The following MTA3 variants were observed in gnomAD, a reference collection of about 807,000 sequenced individuals.
MTA3 encodes the protein metastasis-associated protein MTA3.
MTA3 carries 34 observed loss-of-function variants against 83.5 expected under a neutral mutation model. That is an observed-to-expected ratio of 0.41 (90% CI 0.31 to 0.54). MTA3 has a LOEUF of 0.54. Among genes scored for constraint, MTA3 ranks in the 20% least tolerant of loss-of-function variants. MTA3 has a pLI of 0.33. For synonymous variants in MTA3, 303 were observed against 252.7 expected (o/e 1.20, Z -1.89); for missense variants, 761 against 726.4 (o/e 1.05, Z -0.55).
chr2:42,552,280 G>T (rs1037265790), intron 2 of MTA3, among the ~76,000 whole-genome samples: 1 of 152,194 alleles, frequency 6.6e-6, no homozygotes, highest in Non-Finnish European at 1.5e-5. Flanking sequence ...GGCCACAGCC[G>T]AGAAGTAAGG....
intron 2 of MTA3, among the ~76,000 whole-genome samples, chr2:42,510,497 T>C (rs1316327878): frequency 6.6e-6 from 1 of 152,106 alleles, no homozygotes; most frequent in Non-Finnish European, 1.5e-5. Flanking sequence ...GGAGAAAATG[T>C]GAAAGCAGAC....
chr2:42,725,086 CAT>C (rs1307799937), intron 16 of MTA3, among the ~76,000 whole-genome samples: 1 of 152,242 alleles, frequency 6.6e-6, no homozygotes, highest in Non-Finnish European at 1.5e-5. Context: ...AGGCTGATGA[CAT>C]GTGCTCGGCA....
intron 14 of MTA3, among the ~76,000 whole-genome samples, chr2:42,716,391 G>A (rs972342758): frequency 3.3e-5 from 5 of 152,128 alleles, no homozygotes; most frequent in Non-Finnish European, 7.4e-5. Flanking sequence ...GTAAACTTGT[G>A]TCAAGGGGGT....
intron 8 of MTA3, among the ~76,000 whole-genome samples, chr2:42,680,667 A>G (rs1691805298): frequency 6.6e-6 from 1 of 152,210 alleles, no homozygotes; most frequent in Admixed American, 6.5e-5. Context: ...ATGTATGTAC[A>G]TGCTATGGAT....
In MTA3 at chr2:42,585,941, T is replaced by TA. The variant is rs891820025; in HGVS notation, c.190+6750dup. Among the ~76,000 whole-genome samples, 6 of 150,908 alleles carry TA rather than the reference T, an allele frequency of 4.0e-5. No individual in the cohort carries two copies. The South Asian group carries it at 6.3e-4, about 16-fold the overall frequency. On this transcript the variant is annotated intron_variant, in intron 3 of 16. Coordinates refer to ENST00000405094, the MANE Select transcript of MTA3 (RefSeq NM_001330442.2). Reference sequence around the variant, plus strand: ...CAATAGAGTGACACCTGTGTCTCTTTAAAAAAAAATAAATTATAAACAAGA... The same window carrying TA: ...CAATAGAGTGACACCTGTGTCTCTTTAAAAAAAAAATAAATTATAAACAAGA...
intron 14 of MTA3, chr2:42,712,673 G>A (rs1407705695): frequency 1.3e-5 from 2 of 152,052 alleles, no homozygotes; most frequent in African/African-American, 4.8e-5. Context: ...ATTGCATAAA[G>A]AAACGTACTG....
intron 9 of MTA3, among the ~76,000 whole-genome samples, chr2:42,689,382 A>T (rs1454121885): frequency 6.6e-6 from 1 of 152,134 alleles, no homozygotes; most frequent in Non-Finnish European, 1.5e-5. Context: ...TCCTTGTAAT[A>T]TTTTTGGTTT....
At chr2:42,662,417 G>A (rs1202682086) in intron 8 of MTA3, among the ~76,000 whole-genome samples, 3 of 151,542 alleles carry the variant, frequency 2.0e-5, no homozygotes, top group Non-Finnish European at 2.9e-5. Flanking sequence ...TCTATATAGA[G>A]TTTAATTTTG....
intron 8 of MTA3, 139 bp downstream of exon 8, chr2:42,660,001 C>T: frequency 2.2e-6 from 1 of 458,202 alleles, no homozygotes; most frequent in Non-Finnish European, 3.7e-6. Context: ...GGCTTGGTTA[C>T]TTGGTTGACT....
chr2:42,733,691 G>T (rs769851238), intron 16 of MTA3, among the ~76,000 whole-genome samples: 22 of 152,038 alleles, frequency 1.4e-4, no homozygotes, highest in Non-Finnish European at 2.8e-4. Context: ...TAGAGACAGG[G>T]TCTCACTGTG....
At chr2:42,697,204 A>G (rs1693467377) in intron 10 of MTA3, among the ~76,000 whole-genome samples, 1 of 152,174 alleles carries the variant, frequency 6.6e-6, no homozygotes, top group South Asian at 2.1e-4. Flanking sequence ...CTTTCCCTAC[A>G]TATGGCTCCT....
intron 4 of MTA3, among the ~76,000 whole-genome samples, chr2:42,621,891 G>T (rs1254392579): frequency 6.6e-6 from 1 of 151,080 alleles, no homozygotes; most frequent in Non-Finnish European, 1.5e-5. Context: ...TCACTTCCTA[G>T]ACGGGAAGAG....
At chr2:42,593,200 A>T (rs2103949107) in intron 3 of MTA3, among the ~76,000 whole-genome samples, 1 of 147,172 alleles carries the variant, frequency 6.8e-6, no homozygotes, top group South Asian at 2.2e-4. Context: ...AACATATAGT[A>T]TATTGGCCAG....
At chr2:42,750,291 G>T (rs1301248957) in intron 16 of MTA3, among the ~76,000 whole-genome samples, 1 of 152,070 alleles carries the variant, frequency 6.6e-6, no homozygotes, top group African/African-American at 2.4e-5. Context: ...GCCTGGCCAT[G>T]TTTTTTGTTG....
upstream of MTA3, chr2:42,494,116 G>GCCCGCA (rs1558394791): frequency 6.5e-6 from 1 of 155,014 alleles, no homozygotes; most frequent in Non-Finnish European, 1.4e-5. Flanking sequence ...TCCCGCCCGC[G>GCCCGCA]CCCGCACCTC....
chr2:42,669,930 G>A (rs562316657), intron 8 of MTA3, among the ~76,000 whole-genome samples: 1 of 152,304 alleles, frequency 6.6e-6, no homozygotes, highest in African/African-American at 2.4e-5. Flanking sequence ...GGAAAGATTT[G>A]TATTTACAAG....
At chr2:42,535,955 C>T (rs923800087) in intron 2 of MTA3, among the ~76,000 whole-genome samples, 6 of 145,038 alleles carry the variant, frequency 4.1e-5, no homozygotes, top group Admixed American at 1.4e-4. Context: ...CCCGTCTCTA[C>T]AAAAATATTA....
intron 10 of MTA3, among the ~76,000 whole-genome samples, chr2:42,696,962 A>G (rs958423249): frequency 1.3e-5 from 2 of 152,206 alleles, no homozygotes; most frequent in Non-Finnish European, 2.9e-5. Context: ...GGTATCAAGG[A>G]TGGTTGAAAA....
chr2:42,515,841 A>ATTTT lies in MTA3; in HGVS notation c.-141+20598_-141+20601dup, dbSNP rs35541351. 6.2e-3 allele frequency among the ~76,000 whole-genome samples: 826 copies of ATTTT among 132,616 alleles called. 7 individuals are homozygous for ATTTT. Among genetic ancestry groups the ATTTT allele is most frequent in the East Asian group, 0.014 (63 of 4,472 alleles). The allele number at this position is 132,616 out of a possible 152,430, so 87.0% of individuals were successfully genotyped here. A position where few individuals can be genotyped will look rare whatever the true frequency, so the allele number is the denominator to read the frequency against. ...TATTTTATTTTGTTTTATTTTATGT[A>ATTTT]TTTTTTTTTTTTTTGAGACAAGAGT... On this transcript the variant is annotated intron_variant, in intron 2 of 17. Transcript: ENST00000405592.
Sources: allele counts gnomAD v4.1 joint callset (sites outside exome capture counted in the v4.1 genomes callset), GRCh38; gene constraint gnomAD v4.1.1; transcripts MANE v1.5; gene names NCBI Gene and HGNC (gene_info 2026-07-23, HGNC 2026-07-21).